The following LITAF variants were observed in gnomAD, a reference collection of about 807,000 sequenced individuals.
LITAF encodes the protein lipopolysaccharide-induced tumor necrosis factor-alpha factor.
LITAF carries 9 observed loss-of-function variants against 14.5 expected under a neutral mutation model. That is an observed-to-expected ratio of 0.62 (90% confidence interval 0.37 to 1.08). The LOEUF (loss-of-function observed/expected upper bound fraction) is 1.08. Ranked by LOEUF, LITAF falls within the 50% of genes least tolerant of loss-of-function variation. The probability of loss-of-function intolerance (pLI) is 0.01; values close to 1 mark genes in which losing one functional copy is unlikely to be tolerated. For missense variants in LITAF, 206 were observed against 213.4 expected (o/e 0.97, Z 0.22); for synonymous variants, 98 against 88.2 (o/e 1.11, Z -0.62).
rs765803582 is a variant in LITAF, at chr16:11,549,938, A to C, written c.378-193T>G. On this transcript the variant is annotated intron_variant, in intron 3 of 3. Transcript: ENST00000622633. The surrounding 1 kb of genome is among the most constrained non-coding windows in gnomAD (Gnocchi z 4.6). The stretch of plus-strand genomic sequence containing the variant: ...AATGACCTTAGAAGAAGAGGAGAGG[A>C]CACACAGAGATACAGAGAGGGCAGA... The C allele has an allele frequency of 2.9e-4, 182 of 620,764 alleles. No individual in the cohort carries two copies. The highest frequency in any genetic ancestry group is 4.6e-4 in the Non-Finnish European group (152 of 333,802). 38.5% of individuals were successfully genotyped at this position (620,764 alleles called of 1,614,324 possible).
chr16:11,637,139 C>T, upstream of LITAF, among the ~76,000 whole-genome samples: 1 of 152,226 alleles, frequency 6.6e-6, no homozygotes, highest in East Asian at 1.9e-4. Context: ...GATTCGCCCA[C>T]CTCGGCCTCC....
upstream of LITAF, chr16:11,587,448 G>T (rs1002195206): frequency 4.4e-6 from 2 of 453,904 alleles, no homozygotes; most frequent in Non-Finnish European, 8.8e-6. Flanking sequence ...CTGTGCCTTC[G>T]GGCATGTTAC....
chr16:11,617,260 T>C (rs1337234590), intron 3 of LITAF, among the ~76,000 whole-genome samples: 3 of 151,912 alleles, frequency 2.0e-5, no homozygotes, highest in Admixed American at 2.0e-4. Context: ...TGCCAGCACA[T>C]TGCTAAAATC....
At chr16:11,554,100 T>C (rs1365955359) in intron 2 of LITAF, among the ~76,000 whole-genome samples, 1 of 151,854 alleles carries the variant, frequency 6.6e-6, no homozygotes, top group East Asian at 1.9e-4. Context: ...AGCGTGGGAG[T>C]ACACGCCTGT....
intron 3 of LITAF, among the ~76,000 whole-genome samples, chr16:11,604,740 T>C (rs1246390512): frequency 6.6e-6 from 1 of 151,318 alleles, no homozygotes; most frequent in Non-Finnish European, 1.5e-5. Context: ...GCAATAGATA[T>C]TGCTGGGCAC....
chr16:11,627,722 T>C (rs1322448931), intron 3 of LITAF, among the ~76,000 whole-genome samples: 1 of 152,184 alleles, frequency 6.6e-6, no homozygotes, highest in Admixed American at 6.5e-5. Context: ...TGCACGCCTG[T>C]AGCCCCAGCT....
intron 3 of LITAF, among the ~76,000 whole-genome samples, chr16:11,613,501 C>CTT (rs2064996311): frequency 1.3e-5 from 2 of 152,204 alleles, no homozygotes; most frequent in African/African-American, 4.8e-5. Context: ...CCTGCCCCAC[C>CTT]TCGAAGACAT....
intron 1 of LITAF, among the ~76,000 whole-genome samples, chr16:11,560,952 C>T (rs1005281215): frequency 2.6e-5 from 4 of 152,152 alleles, no homozygotes; most frequent in African/African-American, 9.7e-5. Flanking sequence ...ACTCAGCGGA[C>T]ATCCCTCCCA....
intron 1 of LITAF, among the ~76,000 whole-genome samples, chr16:11,572,789 T>G (rs1415459784): frequency 2.0e-5 from 3 of 152,116 alleles, no homozygotes; most frequent in African/African-American, 7.2e-5. Flanking sequence ...GATGTCCAAA[T>G]AAAGCCTGGA....
chr16:11,588,721 A>C (rs2064830765), upstream of LITAF, among the ~76,000 whole-genome samples: 1 of 152,174 alleles, frequency 6.6e-6, no homozygotes, highest in African/African-American at 2.4e-5. Context: ...TTAAGACAGA[A>C]TATCACAGAC....
rs1178548871 is a variant in LITAF, at chr16:11,616,902, ACT to A, written c.85+16629_85+16630del. On this transcript the variant is annotated intron_variant, in intron 3 of 3. Coordinates refer to the LITAF transcript ENST00000574848. ...ACTCCAACCTGGGAAAGAGAGCAAG[ACT>A]CTATCTCAAAAAAAAAAAAAAAAAA... 2.4e-5 allele frequency among the ~76,000 whole-genome samples: 3 copies of A among 127,066 alleles called. No homozygotes were observed. The South Asian group carries it at 7.4e-4, about 31-fold the overall frequency. 83.4% of individuals were successfully genotyped at this position (127,066 alleles called of 152,430 possible).
At chr16:11,556,402 G>A (rs558971487) in intron 2 of LITAF, 109 bp downstream of exon 2, 7 of 906,180 alleles carry the variant, frequency 7.7e-6, no homozygotes, top group Admixed American at 2.5e-5. Flanking sequence ...AAACTGGAAC[G>A]TACTGGCACT....
Position 11,556,507 on chromosome 16 carries a change from G to T in LITAF, c.220+4C>A. On this transcript the variant is annotated splice_donor_region_variant and intron_variant, in intron 2 of 3. Coordinates refer to ENST00000622633, the MANE Select transcript of LITAF (RefSeq NM_001136472.2). ...GTAAGGGGGGCCTGGGAGGCCACAC[G>T]TACTTGGATTGTTATTGGGGATGGG... The T allele has an allele frequency of 6.2e-7, 1 of 1,611,408 alleles. No homozygotes were observed. The highest frequency in any genetic ancestry group is 8.5e-7 in the Non-Finnish European group (1 of 1,177,818).
chr16:11,616,911 CAAAAAAAA>C (rs766801773), intron 3 of LITAF, among the ~76,000 whole-genome samples: 21 of 83,086 alleles, frequency 2.5e-4, no homozygotes, highest in African/African-American at 8.0e-4. Context: ...GACTCTATCT[CAAAAAAAA>C]AAAAAAAAAA....
rs936039943 is a variant in LITAF at position 11,573,294 on chromosome 16, C to A, written c.-6+13592G>T. On this transcript the variant is annotated intron_variant, in intron 1 of 3. Coordinates refer to ENST00000622633, the MANE Select transcript of LITAF (RefSeq NM_001136472.2). ...TATCATGATATCATTTGTCACCCAT[C>A]CACCAGGCAAAGAGCAAAATGTTGG... Among the ~76,000 whole-genome samples the A allele has an allele frequency of 3.9e-5, 6 of 152,086 alleles. No homozygotes were observed. In the South Asian group the frequency reaches 1.2e-3, roughly 32 times the overall value.
intron 1 of LITAF, among the ~76,000 whole-genome samples, chr16:11,572,737 G>A (rs115552637): frequency 3.9e-4 from 59 of 152,278 alleles, no homozygotes; most frequent in African/African-American, 1.2e-3. Context: ...TGAATACAAC[G>A]TAGAACCCCG....
intron 3 of LITAF, among the ~76,000 whole-genome samples, chr16:11,610,096 C>A (rs1295538381): frequency 6.6e-6 from 1 of 152,208 alleles, no homozygotes; most frequent in Non-Finnish European, 1.5e-5. Context: ...CAGGGAAGCA[C>A]AGAGAAGCTG....
At chr16:11,599,072 G>A (rs1053892419), upstream of LITAF, among the ~76,000 whole-genome samples, 1 of 151,582 alleles carries the variant, frequency 6.6e-6, no homozygotes. Context: ...TGCCCATCTC[G>A]GCCTCCCAAA....
intron 3 of LITAF, among the ~76,000 whole-genome samples, chr16:11,551,458 T>G (rs759131577): frequency 1.3e-5 from 2 of 152,134 alleles, no homozygotes; most frequent in Non-Finnish European, 2.9e-5. Context: ...TTGAACCCAC[T>G]CTACCATGTT....
Sources: allele counts gnomAD v4.1 joint callset (sites outside exome capture counted in the v4.1 genomes callset), GRCh38; gene constraint gnomAD v4.1.1; non-coding constraint Gnocchi (gnomAD v3.1); transcripts MANE v1.5; gene names NCBI Gene and HGNC (gene_info 2026-07-23, HGNC 2026-07-21).